Variants in GAS2 observed in about 807,000 individuals in gnomAD.
The protein encoded by GAS2 is growth arrest-specific protein 2.
In GAS2, 20 loss-of-function variants were observed where a neutral mutation model predicts 37.5. The observed-to-expected ratio is 0.53, with a 90% confidence interval of 0.37 to 0.77. GAS2 has a LOEUF of 0.77. Ranked by LOEUF, GAS2 falls within the 30% of genes least tolerant of loss-of-function variation. GAS2 has a pLI of 0.00. For missense variants in GAS2, 336 were observed against 373.4 expected (o/e 0.90, Z 0.82); for synonymous variants, 144 against 132.2 (o/e 1.09, Z -0.61).
chr11:22,700,816 A>G (rs1850802161), intron 3 of GAS2, among the ~76,000 whole-genome samples: 1 of 152,170 alleles, frequency 6.6e-6, no homozygotes, highest in Non-Finnish European at 1.5e-5. Flanking sequence ...ACCATTGAAA[A>G]TTAGGAAGAA....
At chr11:22,772,709 C>T (rs1855044907) in intron 7 of GAS2, among the ~76,000 whole-genome samples, 2 of 152,092 alleles carry the variant, frequency 1.3e-5, no homozygotes, top group South Asian at 4.1e-4. Flanking sequence ...TTTTCTCTGC[C>T]TTCCGTCTTT....
At chr11:22,676,479 T>C (rs10741947) in intron 2 of GAS2, among the ~76,000 whole-genome samples, 95,016 of 151,976 alleles carry the variant, frequency 0.63, 30,898 homozygotes, top group East Asian at 0.83. Flanking sequence ...GTTTGAACCC[T>C]ACCTCTGCCA....
At chr11:22,647,693 A>C (rs1318400479) in intron 1 of GAS2, among the ~76,000 whole-genome samples, 1 of 152,044 alleles carries the variant, frequency 6.6e-6, no homozygotes, top group Admixed American at 6.5e-5. Flanking sequence ...GCATTTTTTC[A>C]TGTGTTTCTT....
At position 22,649,278 on chromosome 11, in the gene GAS2, T is replaced by C. The variant is rs533071403; in HGVS notation, c.-21+23465T>C. Among the ~76,000 whole-genome samples the C allele has an allele frequency of 1.8e-3, 278 of 152,270 alleles. 1 individual carries two copies. Among genetic ancestry groups the C allele is most frequent in the African/African-American group, 6.2e-3 (258 of 41,546 alleles). ...CCCAGAGATGAAACCCACTTGATCA[T>C]GGTGGATAAGCTTTTTGATGTGCTG... is the stretch of plus-strand genomic sequence containing the variant. On this transcript the variant is annotated intron_variant, in intron 1 of 5. Coordinates refer to the GAS2 transcript ENST00000528582.
chr11:22,764,676 A>T (rs911051894), intron 7 of GAS2, among the ~76,000 whole-genome samples: 1 of 152,164 alleles, frequency 6.6e-6, no homozygotes, highest in Non-Finnish European at 1.5e-5. Flanking sequence ...CAACCGAATA[A>T]TACATCTGGG....
In GAS2 at chr11:22,653,216, C is replaced by A. The variant is rs767280983; in HGVS notation, c.-20-21634C>A. ...TATATATAGTCAGAATAAGACTCAT[C>A]GACATTGCAGAATACAAATATTCTC... On this transcript the variant is annotated intron_variant, in intron 1 of 5. Coordinates refer to the GAS2 transcript ENST00000528582. 2.6e-5 allele frequency among the ~76,000 whole-genome samples: 4 copies of A among 151,728 alleles called. No homozygotes were observed. In the South Asian group the frequency reaches 8.4e-4, roughly 32 times the overall value.
At chr11:22,716,662 A>T (rs145910044) in intron 3 of GAS2, among the ~76,000 whole-genome samples, 133 of 152,070 alleles carry the variant, frequency 8.7e-4, no homozygotes, top group Admixed American at 2.3e-3. Context: ...AAAAAAGAAA[A>T]AAAGAAATAA....
At chr11:22,655,698 A>T (rs1413311602) in intron 1 of GAS2, among the ~76,000 whole-genome samples, 1 of 152,204 alleles carries the variant, frequency 6.6e-6, no homozygotes, top group Non-Finnish European at 1.5e-5. Context: ...CAATGAAAAA[A>T]ATTAATGTAT....
intron 1 of GAS2, among the ~76,000 whole-genome samples, chr11:22,647,767 GTTGT>G (rs1188355854): frequency 6.6e-6 from 1 of 152,016 alleles, no homozygotes; most frequent in Non-Finnish European, 1.5e-5. Flanking sequence ...TTTTGATGGG[GTTGT>G]TTGTTTTTTT....
intron 7 of GAS2, among the ~76,000 whole-genome samples, chr11:22,767,087 A>G (rs944058738): frequency 5.9e-5 from 9 of 152,156 alleles, no homozygotes; most frequent in Non-Finnish European, 1.3e-4. Context: ...TGATAGCAGT[A>G]CGGATATCTT....
chr11:22,733,823 G>T (rs1224080471), intron 4 of GAS2, among the ~76,000 whole-genome samples: 2 of 151,684 alleles, frequency 1.3e-5, no homozygotes, highest in Admixed American at 6.6e-5. Flanking sequence ...AACCATTTGT[G>T]TAATAATCAC....
intron 4 of GAS2, among the ~76,000 whole-genome samples, chr11:22,727,187 ACAACT>A (rs1852257921): frequency 6.6e-6 from 1 of 152,114 alleles, no homozygotes; most frequent in Admixed American, 6.6e-5. Flanking sequence ...CCACCACAGT[ACAACT>A]CAAATATGTA....
In GAS2 at chr11:22,674,894, G is replaced by T. The variant is rs866271246; in HGVS notation, c.25G>T (p.Val9Leu). 1.9e-6 allele frequency: 3 copies of T among 1,612,396 alleles called. No homozygotes were observed. The highest frequency in any genetic ancestry group is 2.5e-6 in the Non-Finnish European group (3 of 1,179,276). MCTALSPK[V>L]RSGPGLSDMH... ...AATGTGCACTGCTCTGAGCCCAAAG[G>T]TACGCAGTGGACCTGGCCTCTCTGA... The change falls in exon 2 of 8, where the codon GTA becomes TTA. Residue 9 changes from valine to leucine, a missense_variant. Coordinates refer to ENST00000454584, the MANE Select transcript of GAS2 (RefSeq NM_001143830.3).
intron 1 of GAS2, among the ~76,000 whole-genome samples, chr11:22,633,046 T>G (rs1401942297): frequency 1.3e-5 from 2 of 152,164 alleles, no homozygotes; most frequent in African/African-American, 2.4e-5. Flanking sequence ...TCTTGAACTC[T>G]TTATCTGGTA....
intron 5 of GAS2, among the ~76,000 whole-genome samples, chr11:22,746,025 C>A (rs1023398769): frequency 4.6e-5 from 7 of 151,880 alleles, no homozygotes; most frequent in Non-Finnish European, 1.0e-4. Flanking sequence ...AAAATACACA[C>A]AAAAAATTTA....
intron 6 of GAS2, among the ~76,000 whole-genome samples, chr11:22,749,808 A>G (rs1455160773): frequency 6.6e-6 from 1 of 152,060 alleles, no homozygotes; most frequent in Non-Finnish European, 1.5e-5. Flanking sequence ...AGGTCGCTCT[A>G]CTTAGCAGAG....
chr11:22,789,529 T>C (rs1230831490), intron 7 of GAS2, among the ~76,000 whole-genome samples: 1 of 136,274 alleles, frequency 7.3e-6, no homozygotes, highest in African/African-American at 2.7e-5. Flanking sequence ...TGGCGTGATC[T>C]CGGCTCACTG....
chr11:22,721,433 A>T (rs1851942474), intron 3 of GAS2, among the ~76,000 whole-genome samples: 1 of 152,062 alleles, frequency 6.6e-6, no homozygotes, highest in African/African-American at 2.4e-5. Context: ...TCATGTTTGT[A>T]TGTCTTAGTA....
chr11:22,707,993 A>T (rs1851207639), intron 3 of GAS2, among the ~76,000 whole-genome samples: 1 of 152,128 alleles, frequency 6.6e-6, no homozygotes, highest in Non-Finnish European at 1.5e-5. Flanking sequence ...CTGAGATGTT[A>T]AAGGGTCTGA....
Sources: gnomAD v4.1 joint callset for allele counts (sites outside exome capture counted in the v4.1 genomes callset) on GRCh38, gnomAD v4.1.1 for gene constraint, MANE v1.5 for transcripts, NCBI Gene and HGNC (gene_info 2026-07-23, HGNC 2026-07-21) for gene names.